The following OSBPL1A variants were observed in gnomAD, a reference collection of about 807,000 sequenced individuals.
OSBPL1A encodes oxysterol binding protein like 1A.
OSBPL1A carries 80 observed loss-of-function variants against 137.1 expected under a neutral mutation model. The observed-to-expected ratio is 0.58, with a 90% CI of 0.49 to 0.70. The LOEUF is 0.70. Ranked by LOEUF, OSBPL1A falls within the 30% of genes least tolerant of loss-of-function variation. OSBPL1A has a pLI of 0.00. For missense variants in OSBPL1A, 970 were observed against 1,129.4 expected (o/e 0.86, Z 2.02); for synonymous variants, 365 against 389.7 (o/e 0.94, Z 0.75).
At chr18:24,246,295 G>T (rs1364665439) in intron 15 of OSBPL1A, among the ~76,000 whole-genome samples, 1 of 152,068 alleles carries the variant, frequency 6.6e-6, no homozygotes, top group Non-Finnish European at 1.5e-5. Flanking sequence ...GACCGAGGCA[G>T]ATTTACCTGA....
At chr18:24,395,150 G>C (rs544441681) in intron 1 of OSBPL1A, among the ~76,000 whole-genome samples, 1 of 152,282 alleles carries the variant, frequency 6.6e-6, no homozygotes, top group Non-Finnish European at 1.5e-5. Flanking sequence ...GCTAAAACCT[G>C]TCCTCTTTCT....
chr18:24,355,512 C>A (rs892364682), intron 4 of OSBPL1A, among the ~76,000 whole-genome samples: 1 of 151,504 alleles, frequency 6.6e-6, no homozygotes, highest in African/African-American at 2.4e-5. Flanking sequence ...AAACAAAAAA[C>A]AAAAAACAGC....
At chr18:24,305,763 A>C (rs1443621171) in intron 13 of OSBPL1A, among the ~76,000 whole-genome samples, 1 of 152,092 alleles carries the variant, frequency 6.6e-6, no homozygotes, top group Non-Finnish European at 1.5e-5. Flanking sequence ...AGGTAATTGA[A>C]TCATGGGGGT....
chr18:24,241,331 T>G (rs1250317038), intron 15 of OSBPL1A, among the ~76,000 whole-genome samples: 1 of 152,020 alleles, frequency 6.6e-6, no homozygotes, highest in Non-Finnish European at 1.5e-5. Flanking sequence ...ACCGTCAGAG[T>G]GAAGAGGCAA....
intron 1 of OSBPL1A, among the ~76,000 whole-genome samples, chr18:24,385,131 T>C (rs1628257): frequency 0.24 from 35,805 of 151,728 alleles, 4,590 homozygotes; most frequent in African/African-American, 0.31. Flanking sequence ...ATTTTTTGTA[T>C]TTTTAGTAGA....
chr18:24,388,338 CCGGATGGATGGATGGG>C (rs1907075560), intron 1 of OSBPL1A, among the ~76,000 whole-genome samples: 1 of 152,058 alleles, frequency 6.6e-6, no homozygotes, highest in African/African-American at 2.4e-5. Flanking sequence ...TATTAGTTAA[CCGGATGGATGGATGGG>C]CGGATGGATG....
rs946589969 is a variant in OSBPL1A, at chr18:24,281,583, G to A, written c.1175-635C>T. Among the ~76,000 whole-genome samples, 3 of 151,224 alleles carry A rather than the reference G, an allele frequency of 2.0e-5. No homozygotes were observed. In the Admixed American group the frequency reaches 2.0e-4, roughly 10 times the overall value. ...TTTTTGTATTTTCAGTAGAGATGGG[G>A]TTTCACAACGTTGGCCAGGCTGGTC... On this transcript the variant is annotated intron_variant, in intron 14 of 27. Coordinates refer to ENST00000319481, the MANE Select transcript of OSBPL1A (RefSeq NM_080597.4).
chr18:24,298,361 G>C (rs937731938), intron 14 of OSBPL1A, among the ~76,000 whole-genome samples: 9 of 152,024 alleles, frequency 5.9e-5, no homozygotes, highest in Non-Finnish European at 1.2e-4. Flanking sequence ...CTGTGGACTT[G>C]CCCTGAGTTC....
chr18:24,196,008 G>A (rs549070581), intron 18 of OSBPL1A, 117 bp downstream of exon 18: 28 of 783,950 alleles, frequency 3.6e-5, no homozygotes, highest in Non-Finnish European at 5.2e-5. Context: ...TATGATTCTC[G>A]TACGTTCCCA....
chr18:24,275,806 C>T (rs1240416714), intron 15 of OSBPL1A, among the ~76,000 whole-genome samples: 35 of 151,784 alleles, frequency 2.3e-4, no homozygotes, highest in Admixed American at 2.3e-3. Flanking sequence ...TCGCTTACTG[C>T]AATCTCTGCC....
At chr18:24,337,423 A>ACATAACATAACATAACATAACATAACAT (rs1568036781) in intron 5 of OSBPL1A, among the ~76,000 whole-genome samples, 1 of 151,708 alleles carries the variant, frequency 6.6e-6, no homozygotes, top group South Asian at 2.1e-4. Flanking sequence ...ACATAACATA[A>ACATAACATAACATAACATAACATAACAT]AGCCAGGCAT....
At chr18:24,377,259 G>C (rs1906249351) in intron 2 of OSBPL1A, among the ~76,000 whole-genome samples, 154 bp downstream of exon 2, 2 of 152,194 alleles carry the variant, frequency 1.3e-5, no homozygotes, top group Non-Finnish European at 2.9e-5. Flanking sequence ...ACTCAGAGGG[G>C]GCTAGGAGAG....
At chr18:24,228,867 CTG>C (rs1333124747) in intron 16 of OSBPL1A, among the ~76,000 whole-genome samples, 5 of 152,160 alleles carry the variant, frequency 3.3e-5, no homozygotes, top group Non-Finnish European at 7.3e-5. Flanking sequence ...AGACATGAGA[CTG>C]TGAGTCAGTC....
chr18:24,234,537 A>C (rs1470722741), intron 16 of OSBPL1A, among the ~76,000 whole-genome samples: 1 of 152,158 alleles, frequency 6.6e-6, no homozygotes, highest in Non-Finnish European at 1.5e-5. Flanking sequence ...GGGGGACGCC[A>C]GGGGGCTGGA....
intron 15 of OSBPL1A, among the ~76,000 whole-genome samples, chr18:24,274,257 CG>C (rs1329276429): frequency 6.2e-5 from 9 of 144,838 alleles, no homozygotes; most frequent in Non-Finnish European, 7.5e-5. Context: ...AAAAAATTGA[CG>C]GGACTTGATT....
At chr18:24,276,126 T>G (rs1048448413) in intron 15 of OSBPL1A, among the ~76,000 whole-genome samples, 19 of 152,162 alleles carry the variant, frequency 1.2e-4, no homozygotes, top group African/African-American at 4.1e-4. Flanking sequence ...TCTACTGACT[T>G]TAAATGGGCA....
At chr18:24,181,364 A>C in intron 18 of OSBPL1A, 85 bp from the exon 19 acceptor site, 1 of 1,426,358 alleles carries the variant, frequency 7.0e-7, no homozygotes, top group African/African-American at 1.4e-5. Context: ...ATCCTCCTGG[A>C]AAGGACAGAA....
At chr18:24,371,777 T>G (rs995050118) in intron 2 of OSBPL1A, among the ~76,000 whole-genome samples, 3 of 152,092 alleles carry the variant, frequency 2.0e-5, no homozygotes, top group African/African-American at 7.2e-5. Flanking sequence ...TCATGAACAC[T>G]ATCTTCAATT....
At chr18:24,358,396 T>G in intron 4 of OSBPL1A, 1 of 693,276 alleles carries the variant, frequency 1.4e-6, no homozygotes, top group Non-Finnish European at 2.6e-6. Flanking sequence ...GCAGCACTAC[T>G]TGACTTGTCC....
Sources: gnomAD v4.1 joint callset for allele counts (sites outside exome capture counted in the v4.1 genomes callset) on GRCh38, gnomAD v4.1.1 for gene constraint, MANE v1.5 for transcripts, NCBI Gene and HGNC (gene_info 2026-07-23, HGNC 2026-07-21) for gene names.